The following SPATA31H1 variants were observed in gnomAD, a reference collection of about 807,000 sequenced individuals.
The protein encoded by SPATA31H1 is SPATA31 subfamily H member 1, also known as spermatogenesis-associated protein 31H1.
the SPATA31H1 span, chr2:27,579,143 A>G: frequency 6.2e-7 from 1 of 1,614,068 alleles, no homozygotes; most frequent in African/African-American, 1.3e-5. Flanking sequence ...AGGCAGAATC[A>G]GGGGTTCAGA....
the SPATA31H1 span, chr2:27,577,287 T>G: frequency 3.7e-6 from 6 of 1,614,054 alleles, no homozygotes; most frequent in Non-Finnish European, 4.2e-6. This position sits in a 1 kb window ranked among gnomAD's most constrained non-coding sequence, Gnocchi z 4.5. Flanking sequence ...GGAATTGCTC[T>G]CTCAGTCACG....
the SPATA31H1 span, among the ~76,000 whole-genome samples, chr2:27,551,997 G>A: frequency 1.3e-5 from 2 of 151,860 alleles, no homozygotes; most frequent in Non-Finnish European, 2.9e-5. Flanking sequence ...TGTATTTTTA[G>A]TAGAGACGAG....
At chr2:27,569,608 A>C in the SPATA31H1 span, 1 of 398,596 alleles carries the variant, frequency 2.5e-6, no homozygotes, top group African/African-American at 2.1e-5. Context: ...CAGGGAGAAA[A>C]GTCTAAGCAG....
chr2:27,582,618 C>T, the SPATA31H1 span: 16 of 1,308,448 alleles, frequency 1.2e-5, no homozygotes, highest in Non-Finnish European at 1.5e-5. Flanking sequence ...GCCTCCAATT[C>T]CTGCGCCCCC....
chr2:27,567,083 C>T, the SPATA31H1 span: 1 of 716,594 alleles, frequency 1.4e-6, no homozygotes, highest in Non-Finnish European at 2.6e-6. Flanking sequence ...ATCTTTCACC[C>T]TTACAACCTC....
the SPATA31H1 span, chr2:27,571,382 T>A: frequency 2.5e-6 from 1 of 398,418 alleles, no homozygotes; most frequent in Non-Finnish European, 4.4e-6. Flanking sequence ...GTGGGAAATC[T>A]GTGGCGATAA....
chr2:27,568,112 ACTG>A, the SPATA31H1 span: 1 of 399,032 alleles, frequency 2.5e-6, no homozygotes. Context: ...CTCCTGTAGC[ACTG>A]CTTCAAGTTA....
the SPATA31H1 span, among the ~76,000 whole-genome samples, chr2:27,537,817 A>G: frequency 6.6e-6 from 1 of 152,164 alleles, no homozygotes; most frequent in African/African-American, 2.4e-5. Context: ...ACATAACTGG[A>G]AAGAGAATGT....
At chr2:27,565,785 C>T in the SPATA31H1 span, among the ~76,000 whole-genome samples, 3,555 of 152,270 alleles carry the variant, frequency 0.023, 149 homozygotes, top group African/African-American at 0.081. Context: ...GTTTCCCCTA[C>T]TCTCACTGCT....
the SPATA31H1 span, chr2:27,582,052 AGAG>A: frequency 7.4e-6 from 12 of 1,613,518 alleles, no homozygotes; most frequent in East Asian, 8.9e-5. Context: ...AGTCCCTCTG[AGAG>A]GAGATCTCAC....
the SPATA31H1 span, chr2:27,580,837 T>C: frequency 1.9e-6 from 3 of 1,614,110 alleles, no homozygotes; most frequent in South Asian, 1.1e-5. Flanking sequence ...GGCTCAACCA[T>C]TAAGCAGGAG....
the SPATA31H1 span, among the ~76,000 whole-genome samples, chr2:27,539,117 T>A: frequency 7.3e-6 from 1 of 137,316 alleles, no homozygotes; most frequent in Middle Eastern, 3.2e-3. Flanking sequence ...TTTTTTTTTT[T>A]TTTTTTTTTA....
chr2:27,581,113 GA>G, the SPATA31H1 span: 1 of 1,614,064 alleles, frequency 6.2e-7, no homozygotes, highest in African/African-American at 1.3e-5. Flanking sequence ...CAGGCCCGAG[GA>G]AGAATCCTAC....
the SPATA31H1 span, chr2:27,580,381 C>T: frequency 3.9e-5 from 63 of 1,614,030 alleles, no homozygotes; most frequent in Non-Finnish European, 5.3e-5. Context: ...TCTGAAAGCA[C>T]TCAGAATGAA....
chr2:27,577,756 T>C, the SPATA31H1 span: 1 of 1,614,120 alleles, frequency 6.2e-7, no homozygotes, highest in East Asian at 2.2e-5. The surrounding 1 kb of genome is among the most constrained non-coding windows in gnomAD (Gnocchi z 4.5). Flanking sequence ...ATATCAGGGT[T>C]AGGACATCAA....
the SPATA31H1 span, chr2:27,567,436 A>C: frequency 2.3e-6 from 1 of 437,874 alleles, no homozygotes; most frequent in Non-Finnish European, 4.0e-6. Flanking sequence ...ATGCCCATTC[A>C]TCAAAACACT....
the SPATA31H1 span, among the ~76,000 whole-genome samples, chr2:27,540,955 G>A: frequency 8.4e-5 from 11 of 131,422 alleles, no homozygotes; most frequent in African/African-American, 2.7e-4. Context: ...TGGGGGGCCA[G>A]GCAGAGACGC....
the SPATA31H1 span, chr2:27,578,387 G>A: frequency 1.2e-6 from 2 of 1,614,156 alleles, no homozygotes; most frequent in Admixed American, 1.7e-5. Context: ...AATCTGAGGA[G>A]TTAGCACCAG....
At chr2:27,538,071 T>G in the SPATA31H1 span, among the ~76,000 whole-genome samples, 1 of 152,028 alleles carries the variant, frequency 6.6e-6, no homozygotes, top group East Asian at 1.9e-4. Context: ...TGAGGAGAGA[T>G]GTCACCAATC....
Sources: gnomAD v4.1 joint callset for allele counts (sites outside exome capture counted in the v4.1 genomes callset) on GRCh38, gnomAD v4.1.1 for gene constraint, Gnocchi (gnomAD v3.1) non-coding constraint, MANE v1.5 for transcripts, NCBI Gene and HGNC (gene_info 2026-07-23, HGNC 2026-07-21) for gene names.